Variants in STK32A observed in about 807,000 individuals in gnomAD.
STK32A encodes serine/threonine-protein kinase 32A.
Under a neutral mutation model 53.2 loss-of-function variants are expected in STK32A, and 41 were observed. That is an observed-to-expected ratio of 0.77 (90% CI 0.60 to 1.00). The LOEUF (loss-of-function observed/expected upper bound fraction) is 1.00. STK32A is among the 50% of genes least tolerant of loss of function. The pLI is 0.00. For synonymous variants in STK32A, 166 were observed against 162.8 expected (o/e 1.02, Z -0.15); for missense variants, 458 against 485.8 (o/e 0.94, Z 0.54).
At position 147,384,304 on chromosome 5, in the gene STK32A, C is replaced by T. The variant is rs1757567011; in HGVS notation, c.*321C>T. 2.1e-6 allele frequency: 3 copies of T among 1,399,426 alleles called. No homozygotes were observed. Among genetic ancestry groups the T allele is most frequent in the Non-Finnish European group, 2.8e-6 (3 of 1,056,130 alleles). 86.7% of individuals were successfully genotyped at this position (1,399,426 alleles called of 1,614,324 possible). A position where few individuals can be genotyped will look rare whatever the true frequency, so the allele number is the denominator to read the frequency against. On this transcript the variant is annotated 3_prime_UTR_variant, in exon 13 of 13. Transcript: ENST00000397936. The stretch of plus-strand genomic sequence containing the variant: ...TTAGTGCTATAGTTGTTATTCTAAA[C>T]CGCCTTTATTTTTATTTTAAAATTA...
rs1756509613 is a variant in STK32A, at chr5:147,361,633, C to T, written c.660+19C>T. 4 of 1,533,786 alleles carry T rather than the reference C, an allele frequency of 2.6e-6. No individual in the cohort carries two copies. Among genetic ancestry groups the T allele is most frequent in the Non-Finnish European group, 3.6e-6 (4 of 1,110,302 alleles). On this transcript the variant is annotated intron_variant, in intron 8 of 12. Coordinates refer to ENST00000397936, the MANE Select transcript of STK32A (RefSeq NM_001112724.2). ...AGGCCGGGTACTGTAGTAGCATTTC[C>T]TCTTTGGTTATTTTTCCAGCAAGTT...
intron 11 of STK32A, among the ~76,000 whole-genome samples, chr5:147,381,228 A>C (rs1757439686): frequency 6.6e-6 from 1 of 152,184 alleles, no homozygotes; most frequent in Non-Finnish European, 1.5e-5. Flanking sequence ...ATATCAGCCC[A>C]CTGCCTTCTG....
intron 4 of STK32A, among the ~76,000 whole-genome samples, chr5:147,319,062 C>T (rs1388222602): frequency 6.6e-6 from 1 of 151,984 alleles, no homozygotes; most frequent in African/African-American, 2.4e-5. Context: ...CCAGTGTTAT[C>T]CAAGCCATTA....
intron 8 of STK32A, among the ~76,000 whole-genome samples, chr5:147,370,025 T>C (rs1561752796): frequency 6.6e-6 from 1 of 152,160 alleles, no homozygotes; most frequent in Non-Finnish European, 1.5e-5. Context: ...TTAAATTACT[T>C]TTCTTCAAAA....
chr5:147,238,876 T>A (rs1472035864), intron 1 of STK32A, among the ~76,000 whole-genome samples: 1 of 151,732 alleles, frequency 6.6e-6, no homozygotes. Context: ...TAACAAAGAG[T>A]TGTATAATAC....
intron 2 of STK32A, among the ~76,000 whole-genome samples, chr5:147,249,908 CAAAAAAAAA>C (rs35848112): frequency 1.7e-5 from 1 of 58,578 alleles, no homozygotes; most frequent in African/African-American, 6.7e-5. Context: ...GCCTCTGTCT[CAAAAAAAAA>C]AAAAAAAAAA....
chr5:147,260,780 C>G (rs1754528276), intron 2 of STK32A, among the ~76,000 whole-genome samples: 1 of 152,154 alleles, frequency 6.6e-6, no homozygotes, highest in African/African-American at 2.4e-5. Context: ...ACGCCCTAAG[C>G]CATATGAGGC....
At chr5:147,286,342 G>A (rs1045874492) in intron 4 of STK32A, among the ~76,000 whole-genome samples, 1 of 152,032 alleles carries the variant, frequency 6.6e-6, no homozygotes, top group African/African-American at 2.4e-5. Flanking sequence ...CTCAGGTGAT[G>A]GGTGCAACAA....
chr5:147,321,780 A>G (rs1344912569), intron 4 of STK32A, among the ~76,000 whole-genome samples: 1 of 152,238 alleles, frequency 6.6e-6, no homozygotes, highest in East Asian at 1.9e-4. Context: ...AGTCAACAGC[A>G]GGGAGTGAAT....
At chr5:147,292,861 CAA>C (rs58476342) in intron 4 of STK32A, among the ~76,000 whole-genome samples, 2 of 145,872 alleles carry the variant, frequency 1.4e-5, no homozygotes. Context: ...AACTTCATCT[CAA>C]AAAAAAAAAG....
chr5:147,397,901 C>G, the STK32A span: 2 of 918,080 alleles, frequency 2.2e-6, no homozygotes, highest in Non-Finnish European at 3.0e-6. Context: ...GAGGAACGTA[C>G]CTTCTCTCCT....
chr5:147,377,563 T>A (rs1757281995), intron 11 of STK32A, among the ~76,000 whole-genome samples: 1 of 152,156 alleles, frequency 6.6e-6, no homozygotes, highest in South Asian at 2.1e-4. Context: ...GTTCCTCCTT[T>A]CTTCATGGTT....
rs1757553330 is a variant in STK32A at position 147,383,942 on chromosome 5, A to G, written c.1150A>G (p.Lys384Glu). 3.1e-6 allele frequency: 5 copies of G among 1,610,024 alleles called. No individual in the cohort carries two copies. Among genetic ancestry groups the G allele is most frequent in the African/African-American group, 1.3e-5 (1 of 74,506 alleles). Residue 384 changes from lysine (K) to glutamate (E), a missense_variant, in exon 13 of 13, where the codon AAA becomes GAA. Lys to Glu is a moderately conservative substitution (Grantham distance 56). Transcript: ENST00000397936. The stretch of plus-strand genomic sequence containing the variant: ...ACCAAATCTAGCCTTGGAACAAACC[A>G]AAGACCCACAAGGTGAGGATGGTCA... ...RQPNLALEQT[K>E]DPQGEDGQNN...
intron 6 of STK32A, among the ~76,000 whole-genome samples, chr5:147,345,646 C>T (rs1053799445): frequency 6.6e-6 from 1 of 152,026 alleles, no homozygotes; most frequent in African/African-American, 2.4e-5. Context: ...TTTCCGTGTA[C>T]ATTCTGCTGT....
At chr5:147,388,498 T>C (rs989677003), downstream of STK32A, among the ~76,000 whole-genome samples, 1 of 152,208 alleles carries the variant, frequency 6.6e-6, no homozygotes, top group Admixed American at 6.5e-5. Flanking sequence ...AGTGTCCTGC[T>C]GTGTGCTTAG....
chr5:147,254,265 A>G (rs185547155), intron 2 of STK32A, among the ~76,000 whole-genome samples: 139 of 152,262 alleles, frequency 9.1e-4, no homozygotes, highest in African/African-American at 3.1e-3. Context: ...CTTTGGTTTG[A>G]CTGCTTCTTC....
chr5:147,373,525 A>C (rs2152004597), intron 10 of STK32A, among the ~76,000 whole-genome samples: 1 of 152,290 alleles, frequency 6.6e-6, no homozygotes, highest in Non-Finnish European at 1.5e-5. Flanking sequence ...TTGCGACTGA[A>C]GTTCTAGCTT....
At chr5:147,291,828 A>C (rs1279724488) in intron 4 of STK32A, among the ~76,000 whole-genome samples, 1 of 152,230 alleles carries the variant, frequency 6.6e-6, no homozygotes, top group Non-Finnish European at 1.5e-5. Context: ...AAATGTTATC[A>C]GGACCAACAT....
chr5:147,300,913 CACA>C lies in STK32A; in HGVS notation c.260+21521_260+21523del, dbSNP rs554251862. Among the ~76,000 whole-genome samples the C allele has an allele frequency of 3.9e-5, 6 of 152,344 alleles. 1 individual carries two copies. The East Asian group carries it at 1.2e-3, about 29-fold the overall frequency. ...ACGTGGTTGATAAATGGTGACTTTA[CACA>C]ACAACTGAGTGACACTTCTTCTGGC... is the stretch of plus-strand genomic sequence containing the variant. On this transcript the variant is annotated intron_variant, in intron 4 of 12. Transcript: ENST00000397936.
Sources: gnomAD v4.1 joint callset for allele counts (sites outside exome capture counted in the v4.1 genomes callset) on GRCh38, gnomAD v4.1.1 for gene constraint, MANE v1.5 for transcripts, NCBI Gene and HGNC (gene_info 2026-07-23, HGNC 2026-07-21) for gene names.